Variants in ITFG1 observed in about 807,000 individuals in gnomAD.
ITFG1 encodes the protein integrin alpha FG-GAP repeat containing 1.
ITFG1 carries 34 observed loss-of-function variants against 81.8 expected under a neutral mutation model. That is an observed-to-expected ratio of 0.42 (90% CI 0.32 to 0.55). The LOEUF (loss-of-function observed/expected upper bound fraction) is 0.55. Ranked by LOEUF, ITFG1 falls within the 20% of genes least tolerant of loss-of-function variation. ITFG1 has a pLI of 0.17. For missense variants in ITFG1, 672 were observed against 755.4 expected, an observed-to-expected ratio of 0.89 and a Z score of 1.29; for synonymous variants, 285 against 270.6, an observed-to-expected ratio of 1.05 and a Z score of -0.52.
chr16:47,342,323 T>C (rs1197344109), intron 8 of ITFG1, among the ~76,000 whole-genome samples: 1 of 152,118 alleles, frequency 6.6e-6, no homozygotes, highest in Non-Finnish European at 1.5e-5. Flanking sequence ...TCAACACACT[T>C]TCATAATATC....
intron 10 of ITFG1, among the ~76,000 whole-genome samples, chr16:47,271,096 G>C (rs1490301518): frequency 6.6e-6 from 1 of 152,110 alleles, no homozygotes; most frequent in Admixed American, 6.5e-5. Flanking sequence ...AAACTCTCAT[G>C]ATAAAAGCAC....
At chr16:47,303,232 C>T (rs1280184146) in intron 10 of ITFG1, among the ~76,000 whole-genome samples, 4 of 152,036 alleles carry the variant, frequency 2.6e-5, no homozygotes, top group Admixed American at 2.0e-4. Context: ...GATCGCACCA[C>T]TGCACTCCAG....
At chr16:47,320,136 C>T (rs1392109000) in intron 8 of ITFG1, among the ~76,000 whole-genome samples, 1 of 152,212 alleles carries the variant, frequency 6.6e-6, no homozygotes, top group East Asian at 1.9e-4. Flanking sequence ...AGAGAGGTTA[C>T]ACCAATACCT....
intron 10 of ITFG1, among the ~76,000 whole-genome samples, chr16:47,270,352 A>G (rs1163348877): frequency 7.0e-6 from 1 of 142,584 alleles, no homozygotes; most frequent in African/African-American, 2.4e-5. Flanking sequence ...AAATCTTTCA[A>G]TATTCAATAA....
chr16:47,203,061 G>A (rs2151521352), intron 14 of ITFG1, among the ~76,000 whole-genome samples: 1 of 152,238 alleles, frequency 6.6e-6, no homozygotes, highest in Admixed American at 6.5e-5. Flanking sequence ...CATGTTTATA[G>A]CAGGATTACG....
intron 14 of ITFG1, among the ~76,000 whole-genome samples, chr16:47,203,868 CTGGAG>C (rs1965459294): frequency 6.6e-6 from 1 of 152,104 alleles, no homozygotes; most frequent in Non-Finnish European, 1.5e-5. Context: ...ATGCCATGGG[CTGGAG>C]CAGGAGGGAA....
intron 10 of ITFG1, among the ~76,000 whole-genome samples, chr16:47,264,575 C>CAT (rs1966253139): frequency 6.6e-6 from 1 of 150,934 alleles, no homozygotes; most frequent in Non-Finnish European, 1.5e-5. Flanking sequence ...CACACACACA[C>CAT]ACACACACAC....
intron 13 of ITFG1, among the ~76,000 whole-genome samples, chr16:47,225,353 A>G (rs1388904076): frequency 6.6e-6 from 1 of 152,204 alleles, no homozygotes; most frequent in Admixed American, 6.5e-5. Context: ...GGAAAGAGGT[A>G]GAAATATGTG....
At chr16:47,208,348 T>G (rs1965525723) in intron 14 of ITFG1, among the ~76,000 whole-genome samples, 1 of 152,154 alleles carries the variant, frequency 6.6e-6, no homozygotes, top group South Asian at 2.1e-4. Context: ...TTAAAAAAAC[T>G]AATCCATGTA....
intron 10 of ITFG1, among the ~76,000 whole-genome samples, chr16:47,309,957 G>C (rs1967231283): frequency 6.6e-6 from 1 of 152,140 alleles, no homozygotes; most frequent in Admixed American, 6.5e-5. Context: ...TAATTTTACA[G>C]TTCTTTGTTT....
chr16:47,295,728 T>G (rs1268495460), intron 10 of ITFG1, among the ~76,000 whole-genome samples: 2 of 152,202 alleles, frequency 1.3e-5, no homozygotes, highest in Non-Finnish European at 2.9e-5. Context: ...GGTTTATCAA[T>G]TTTGTTTACA....
intron 17 of ITFG1, among the ~76,000 whole-genome samples, chr16:47,158,256 G>A (rs1174207646): frequency 6.6e-6 from 1 of 152,064 alleles, no homozygotes; most frequent in East Asian, 1.9e-4. Flanking sequence ...CATGGTGCCT[G>A]GCTAATTTTT....
chr16:47,331,027 G>A (rs1057489254), intron 8 of ITFG1, among the ~76,000 whole-genome samples: 5 of 152,140 alleles, frequency 3.3e-5, no homozygotes, highest in African/African-American at 1.2e-4. Context: ...GCACTTGTAT[G>A]TTCATCACAG....
At chr16:47,280,593 T>C (rs1045515771) in intron 10 of ITFG1, among the ~76,000 whole-genome samples, 11 of 152,178 alleles carry the variant, frequency 7.2e-5, no homozygotes, top group African/African-American at 2.7e-4. Flanking sequence ...CTTTTGTTAC[T>C]CATAACAGGC....
chr16:47,371,328 T>C (rs1968251127), intron 7 of ITFG1, among the ~76,000 whole-genome samples: 1 of 152,242 alleles, frequency 6.6e-6, no homozygotes, highest in Non-Finnish European at 1.5e-5. Flanking sequence ...CCATATAAAA[T>C]GCTCAGTATA....
intron 14 of ITFG1, among the ~76,000 whole-genome samples, chr16:47,199,777 T>C (rs1282023608): frequency 6.6e-6 from 1 of 152,214 alleles, no homozygotes; most frequent in East Asian, 1.9e-4. Flanking sequence ...GAAATAATTA[T>C]ACAACTCACC....
chr16:47,322,310 TTAATA>T (rs1012459075), intron 8 of ITFG1, among the ~76,000 whole-genome samples: 21 of 152,294 alleles, frequency 1.4e-4, no homozygotes, highest in African/African-American at 5.1e-4. Context: ...TAAATTAGCT[TTAATA>T]TAAGTTTTTG....
intron 14 of ITFG1, among the ~76,000 whole-genome samples, chr16:47,185,959 C>T (rs919912385): frequency 6.6e-6 from 1 of 152,124 alleles, no homozygotes; most frequent in African/African-American, 2.4e-5. Context: ...ATACAAACTA[C>T]CATCAGAGAA....
At chr16:47,164,197 T>C (rs1352609846) in intron 14 of ITFG1, among the ~76,000 whole-genome samples, 2 of 151,602 alleles carry the variant, frequency 1.3e-5, no homozygotes, top group Non-Finnish European at 2.9e-5. Flanking sequence ...TTTTTTTTCA[T>C]GTAGTGAATT....
Sources: gnomAD v4.1 joint callset for allele counts (sites outside exome capture counted in the v4.1 genomes callset) on GRCh38, gnomAD v4.1.1 for gene constraint, MANE v1.5 for transcripts, NCBI Gene and HGNC (gene_info 2026-07-23, HGNC 2026-07-21) for gene names.